ZNF236: variants seen among roughly 807,000 people sequenced by gnomAD.
ZNF236 encodes the protein zinc finger protein 236.
Under a neutral mutation model 191.2 loss-of-function variants are expected in ZNF236, and 50 were observed. The ratio of observed to expected loss-of-function variants is 0.26; its 90% CI spans 0.21 to 0.33. The LOEUF (loss-of-function observed/expected upper bound fraction) is 0.33, where lower values mean the gene tolerates loss of function less well. Among genes scored for constraint, ZNF236 ranks in the 10% least tolerant of loss-of-function variants. ZNF236 has a pLI of 1.00. For synonymous variants in ZNF236, 907 were observed against 928.8 expected (o/e 0.98, Z 0.43); for missense variants, 1,754 against 2,374.5 (o/e 0.74, Z 5.43).
intron 25 of ZNF236, chr18:76,931,251 A>C (rs926237566): frequency 1.3e-5 from 2 of 152,222 alleles, no homozygotes; most frequent in Non-Finnish European, 2.9e-5. Flanking sequence ...CGAGTTAGCC[A>C]AGAAAGACAT....
chr18:76,878,645 A>G (rs1568209127), intron 7 of ZNF236, among the ~76,000 whole-genome samples: 2 of 152,096 alleles, frequency 1.3e-5, no homozygotes, highest in African/African-American at 4.8e-5. Flanking sequence ...ACACAGGGAC[A>G]TACACCCACT....
Position 76,950,870 on chromosome 18 carries a change from C to T in ZNF236, c.4914+3218C>T, listed in dbSNP as rs192037685. Among the ~76,000 whole-genome samples, 242 of 152,330 alleles carry T rather than the reference C, an allele frequency of 1.6e-3. 2 individuals are homozygous for T. The highest frequency in any genetic ancestry group is 5.5e-3 in the African/African-American group (229 of 41,576). ...GTAAGACTTGAAAGTTGAAATTACT[C>T]CTTCATCCATGGGCTACAGTGTGGA... On this transcript the variant is annotated intron_variant, in intron 27 of 30. Transcript: ENST00000320610.
At chr18:76,840,354 C>G (rs1305964079) in intron 1 of ZNF236, among the ~76,000 whole-genome samples, 1 of 152,032 alleles carries the variant, frequency 6.6e-6, no homozygotes, top group South Asian at 2.1e-4. Context: ...ATTAGCCAGG[C>G]GTGGTGGCAC....
At chr18:76,909,570 T>C (rs914186656) in intron 14 of ZNF236, among the ~76,000 whole-genome samples, 1 of 152,124 alleles carries the variant, frequency 6.6e-6, no homozygotes, top group Non-Finnish European at 1.5e-5. Context: ...TCAGTAAAGT[T>C]TGGCTACAAA....
chr18:76,886,294 T>A (rs946420867), intron 9 of ZNF236: 1 of 152,368 alleles, frequency 6.6e-6, no homozygotes, highest in Non-Finnish European at 1.5e-5. Flanking sequence ...GCAGTTCCGC[T>A]GCACGCTTTT....
At position 76,880,647 on chromosome 18, in the gene ZNF236, T is replaced by C. The variant is rs1369215645; in HGVS notation, c.1188+331T>C. Among the ~76,000 whole-genome samples the C allele has an allele frequency of 1.3e-5, 2 of 152,128 alleles. No homozygotes were observed. The highest frequency in any genetic ancestry group is 2.9e-5 in the Non-Finnish European group (2 of 68,016). On this transcript the variant is annotated intron_variant, in intron 8 of 30. Coordinates refer to ENST00000320610, the MANE Select transcript of ZNF236 (RefSeq NM_001306089.2). The surrounding 1 kb of genome is among the most constrained non-coding windows in gnomAD (Gnocchi z 5.0). The stretch of plus-strand genomic sequence containing the variant: ...AAAAGCGTTTTATTCTTTCTTGAGG[T>C]TCTGGTTTATGATTTGGAGACAGTC...
chr18:76,896,756 AAC>A (rs1977430150), intron 10 of ZNF236, among the ~76,000 whole-genome samples: 1 of 151,784 alleles, frequency 6.6e-6, no homozygotes, highest in Admixed American at 6.6e-5. Context: ...ACAGGTACCA[AAC>A]ACAGTACAGC....
At chr18:76,913,070 G>A (rs1397441595) in intron 17 of ZNF236, among the ~76,000 whole-genome samples, 1 of 152,246 alleles carries the variant, frequency 6.6e-6, no homozygotes, top group Admixed American at 6.5e-5. Flanking sequence ...TTAGGTTATA[G>A]TGTAGGGACG....
intron 9 of ZNF236, among the ~76,000 whole-genome samples, chr18:76,893,586 C>T (rs571416883): frequency 2.2e-4 from 34 of 152,314 alleles, no homozygotes; most frequent in African/African-American, 7.9e-4. Flanking sequence ...TAGCACACTG[C>T]AACTCCTATG....
At chr18:76,932,472 C>T (rs1967882218) in intron 25 of ZNF236, among the ~76,000 whole-genome samples, 1 of 152,244 alleles carries the variant, frequency 6.6e-6, no homozygotes, top group South Asian at 2.1e-4. Context: ...TTCTTCTCAT[C>T]TCTAGAATTC....
intron 16 of ZNF236, among the ~76,000 whole-genome samples, chr18:76,911,598 A>G (rs1479483355): frequency 6.6e-6 from 1 of 152,192 alleles, no homozygotes; most frequent in African/African-American, 2.4e-5. Flanking sequence ...GCTTATAGCA[A>G]CGTGCACTTG....
intron 1 of ZNF236, among the ~76,000 whole-genome samples, chr18:76,842,708 G>A (rs1049245029): frequency 2.0e-5 from 3 of 150,682 alleles, no homozygotes; most frequent in African/African-American, 4.9e-5. Flanking sequence ...CAGAGATCGC[G>A]CCATCGCACT....
At position 76,928,075 on chromosome 18, in the gene ZNF236, G is replaced by T. The variant is rs111932063; in HGVS notation, c.4563G>T (p.Gly1521=). Reference sequence around the variant, plus strand: ...GGCCCACTGCCACGTCTTCCTCGGGGTCTCCACAGGAAATTACCCTGACTA... The same window carrying T: ...GGCCCACTGCCACGTCTTCCTCGGGTTCTCCACAGGAAATTACCCTGACTA... ...AAGPTATSSS[G]SPQEITLTIS... The change falls in exon 25 of 31, where the codon GGG becomes GGT. Residue 1521 remains glycine, a synonymous_variant. Coordinates refer to ENST00000320610, the MANE Select transcript of ZNF236 (RefSeq NM_001306089.2). 3,716 of 1,612,000 alleles carry T rather than the reference G, an allele frequency of 2.3e-3. 49 individuals carry two copies. In the African/African-American group the frequency reaches 0.041, roughly 18 times the overall value.
chr18:76,958,430 A>G (rs1176692387), intron 28 of ZNF236, among the ~76,000 whole-genome samples: 3 of 152,142 alleles, frequency 2.0e-5, no homozygotes, highest in Non-Finnish European at 4.4e-5. Flanking sequence ...GAGGTCAGAG[A>G]AACAGAAGCC....
intron 30 of ZNF236, among the ~76,000 whole-genome samples, chr18:76,962,107 A>G (rs1177942166): frequency 2.0e-5 from 3 of 152,106 alleles, no homozygotes; most frequent in Non-Finnish European, 2.9e-5. Flanking sequence ...TTTTTATTGC[A>G]TTCACTTTTG....
chr18:76,922,744 A>G (rs1967572420), intron 20 of ZNF236, among the ~76,000 whole-genome samples: 1 of 151,940 alleles, frequency 6.6e-6, no homozygotes, highest in Non-Finnish European at 1.5e-5. Context: ...TTCAGTAGAG[A>G]CAGGGTTTTA....
intron 25 of ZNF236, chr18:76,936,268 A>C (rs1967995774): frequency 2.2e-6 from 1 of 454,228 alleles, no homozygotes; most frequent in African/African-American, 2.0e-5. Context: ...TGAGGAATAC[A>C]TGTTTCAAAT....
intron 9 of ZNF236, among the ~76,000 whole-genome samples, chr18:76,893,529 A>G (rs1191753051): frequency 6.6e-6 from 1 of 151,600 alleles, no homozygotes; most frequent in East Asian, 1.9e-4. Context: ...TCTTTTTGAG[A>G]CAGGGTCTGG....
At chr18:76,898,706 A>G (rs1299394429) in intron 10 of ZNF236, among the ~76,000 whole-genome samples, 1 of 152,202 alleles carries the variant, frequency 6.6e-6, no homozygotes, top group South Asian at 2.1e-4. Flanking sequence ...TGGTGACTTA[A>G]GAGAGAGAGC....
Sources: gnomAD v4.1 joint callset for allele counts (sites outside exome capture counted in the v4.1 genomes callset) on GRCh38, gnomAD v4.1.1 for gene constraint, Gnocchi (gnomAD v3.1) non-coding constraint, MANE v1.5 for transcripts, NCBI Gene and HGNC (gene_info 2026-07-23, HGNC 2026-07-21) for gene names.